The following SOX5 variants were observed in gnomAD, a reference collection of about 807,000 sequenced individuals.
The protein encoded by SOX5 is transcription factor SOX-5.
Under a neutral mutation model 92.0 loss-of-function variants are expected in SOX5, and 9 were observed. That is an observed-to-expected ratio of 0.10 (90% CI 0.06 to 0.17). The LOEUF (loss-of-function observed/expected upper bound fraction) is 0.17, where lower values mean the gene tolerates loss of function less well. SOX5 is among the 10% of genes least tolerant of loss of function. The probability of loss-of-function intolerance (pLI) is 1.00; values close to 1 mark genes in which losing one functional copy is unlikely to be tolerated. For missense variants in SOX5, 642 were observed against 944.5 expected (o/e 0.68, Z 4.20); for synonymous variants, 344 against 336.3 (o/e 1.02, Z -0.25).
chr12:23,950,280 ACT>A (rs1458576766), upstream of SOX5, among the ~76,000 whole-genome samples: 73 of 148,432 alleles, frequency 4.9e-4, 1 homozygote, highest in African/African-American at 1.7e-3. Flanking sequence ...ACACACACAC[ACT>A]CACACACACA....
chr12:23,910,324 G>T (rs1250034049), intron 1 of SOX5, among the ~76,000 whole-genome samples: 1 of 152,154 alleles, frequency 6.6e-6, no homozygotes, highest in Non-Finnish European at 1.5e-5. Flanking sequence ...TGTAGCAACT[G>T]TAAGATATGA....
intron 3 of SOX5, among the ~76,000 whole-genome samples, chr12:23,806,987 A>G (rs866502619): frequency 6.6e-6 from 1 of 152,190 alleles, no homozygotes; most frequent in Admixed American, 6.5e-5. Flanking sequence ...CCACTTTCAG[A>G]TATCTACCCA....
chr12:24,458,756 G>A (rs1030754972), intron 1 of SOX5, among the ~76,000 whole-genome samples: 2 of 152,010 alleles, frequency 1.3e-5, no homozygotes, highest in Admixed American at 6.6e-5. Flanking sequence ...CAACATCTCC[G>A]GGTGATTCAT....
intron 10 of SOX5, 47 bp downstream of exon 10, chr12:23,575,614 A>G: frequency 1.3e-6 from 2 of 1,572,920 alleles, no homozygotes; most frequent in Non-Finnish European, 8.7e-7. Flanking sequence ...ATTCCATTCA[A>G]TAGCCATAAA....
intron 4 of SOX5, among the ~76,000 whole-genome samples, chr12:23,979,374 C>T (rs758163388): frequency 2.6e-5 from 4 of 152,014 alleles, no homozygotes; most frequent in African/African-American, 4.8e-5. Context: ...CAGGCGCCCA[C>T]CAACATGCCC....
chr12:24,086,860 A>G (rs1944053705), intron 4 of SOX5, among the ~76,000 whole-genome samples: 1 of 152,078 alleles, frequency 6.6e-6, no homozygotes, highest in South Asian at 2.1e-4. Context: ...AACACAGTCA[A>G]ATATTCAAGG....
At chr12:23,846,835 T>G (rs78624193) in intron 2 of SOX5, among the ~76,000 whole-genome samples, 16,665 of 152,136 alleles carry the variant, frequency 0.11, 1,080 homozygotes, top group East Asian at 0.25. Flanking sequence ...TCAACTTCAT[T>G]TGTTACATGA....
intron 2 of SOX5, among the ~76,000 whole-genome samples, chr12:24,310,904 A>G (rs924449110): frequency 1.3e-5 from 2 of 151,706 alleles, no homozygotes; most frequent in African/African-American, 4.8e-5. Flanking sequence ...TTTTAAAATG[A>G]TTCTGAGACT....
chr12:24,344,046 A>C lies in SOX5; in HGVS notation c.-174+24517T>G, dbSNP rs538149018. ...ACACCTGTAATCTCAGCACTTTGGG[A>C]GGCCGAGGTGGGCGAATCACAAGGT... On this transcript the variant is annotated intron_variant, in intron 2 of 4. Coordinates refer to the SOX5 transcript ENST00000446891. Among the ~76,000 whole-genome samples, 7 of 152,198 alleles carry C rather than the reference A, an allele frequency of 4.6e-5. No individual in the cohort carries two copies. In the South Asian group the frequency reaches 1.0e-3, roughly 23 times the overall value.
At chr12:23,985,638 A>C (rs1949994918) in intron 4 of SOX5, among the ~76,000 whole-genome samples, 1 of 150,878 alleles carries the variant, frequency 6.6e-6, no homozygotes, top group Non-Finnish European at 1.5e-5. Flanking sequence ...CATATCTAGT[A>C]CCCTTTCTTG....
Position 23,608,115 on chromosome 12 carries a change from GAAAAAAAAAAA to G in SOX5, c.1018-3593_1018-3583del, listed in dbSNP as rs772255622. 5.0e-4 allele frequency among the ~76,000 whole-genome samples: 22 copies of G among 44,086 alleles called. No individual in the cohort carries two copies. The South Asian group carries it at 5.8e-3, about 12-fold the overall frequency. 28.9% of individuals were successfully genotyped at this position (44,086 alleles called of 152,430 possible). ...TGAGACGTTGTCTCAAAAGAAAAAA[GAAAAAAAAAAA>G]AAAAAAAAAAAAAAAGGCTGAGCTG... On this transcript the variant is annotated intron_variant, in intron 8 of 14. Transcript: ENST00000451604.
chr12:24,431,406 A>G lies in SOX5; in HGVS notation c.-250-62767T>C, dbSNP rs78153398. Among the ~76,000 whole-genome samples the G allele has an allele frequency of 4.8e-3, 724 of 152,326 alleles. 10 individuals carry two copies. The East Asian group carries it at 0.051, about 11-fold the overall frequency. On this transcript the variant is annotated intron_variant, in intron 1 of 4. Transcript: ENST00000446891. ...TTTTTAGCTTTATTAAGGCAAAATC[A>G]ATACATAAAAATTGCACACATTTGA...
At chr12:24,444,911 C>T (rs1941230571) in intron 1 of SOX5, among the ~76,000 whole-genome samples, 1 of 152,174 alleles carries the variant, frequency 6.6e-6, no homozygotes. Context: ...GGGCACAACA[C>T]AATAAACCTC....
chr12:23,692,441 A>G (rs1219134331), intron 6 of SOX5, among the ~76,000 whole-genome samples: 1 of 150,484 alleles, frequency 6.6e-6, no homozygotes, highest in Non-Finnish European at 1.5e-5. Context: ...CGCCTCAGGA[A>G]AAAAAAAAAA....
chr12:24,279,265 T>A (rs1218866526), intron 2 of SOX5, among the ~76,000 whole-genome samples: 1 of 152,112 alleles, frequency 6.6e-6, no homozygotes, highest in Non-Finnish European at 1.5e-5. Context: ...ATAATTAGGT[T>A]TTTTTAGATA....
At chr12:24,224,389 T>A (rs1037430684) in intron 3 of SOX5, among the ~76,000 whole-genome samples, 1 of 152,170 alleles carries the variant, frequency 6.6e-6, no homozygotes, top group African/African-American at 2.4e-5. Flanking sequence ...TAGAGAGTAT[T>A]TGAATGGTAA....
At chr12:24,002,351 A>G (rs1951691639) in intron 4 of SOX5, among the ~76,000 whole-genome samples, 1 of 152,062 alleles carries the variant, frequency 6.6e-6, no homozygotes, top group Admixed American at 6.6e-5. Flanking sequence ...AAAAAAACCT[A>G]TATTACCAAA....
At chr12:23,617,396 T>C (rs10505896) in intron 8 of SOX5, among the ~76,000 whole-genome samples, 16,243 of 152,178 alleles carry the variant, frequency 0.11, 923 homozygotes, top group Non-Finnish European at 0.12. Flanking sequence ...GGCTATAGTT[T>C]GGGTTTTACT....
chr12:23,857,327 G>A (rs1167994687), intron 2 of SOX5, among the ~76,000 whole-genome samples: 1 of 152,130 alleles, frequency 6.6e-6, no homozygotes, highest in Non-Finnish European at 1.5e-5. Flanking sequence ...GCAGTGGTAT[G>A]TAGAATTAAT....
Sources: allele counts gnomAD v4.1 joint callset (sites outside exome capture counted in the v4.1 genomes callset), GRCh38; gene constraint gnomAD v4.1.1; transcripts MANE v1.5; gene names NCBI Gene and HGNC (gene_info 2026-07-23, HGNC 2026-07-21).